RHPN1: variants seen among roughly 807,000 people sequenced by gnomAD.
RHPN1 encodes rhophilin Rho GTPase binding protein 1.
RHPN1 carries 77 observed loss-of-function variants against 74.7 expected under a neutral mutation model. The ratio of observed to expected loss-of-function variants is 1.03; its 90% CI spans 0.86 to 1.25. The LOEUF (loss-of-function observed/expected upper bound fraction) is 1.25. Ranked by LOEUF, RHPN1 falls within the 50% of genes most tolerant of loss-of-function variation. The pLI, the probability that RHPN1 is intolerant of heterozygous loss-of-function variation, is 0.00. For synonymous variants in RHPN1, 444 were observed against 414.5 expected, an observed-to-expected ratio of 1.07 and a Z score of -0.87; for missense variants, 987 against 932.2, an observed-to-expected ratio of 1.06 and a Z score of -0.77.
chr8:143,382,660 A>T lies in RHPN1; in HGVS notation c.*9A>T. The T allele has an allele frequency of 6.2e-7, 1 of 1,603,848 alleles. No individual in the cohort carries two copies. Among genetic ancestry groups the T allele is most frequent in the Non-Finnish European group, 8.5e-7 (1 of 1,177,028 alleles). ...ACCCAGGGTGGCCGTGAGGGCCAGG[A>T]TCCCTGCACGCCTCAGCCCTGGCTC... On this transcript the variant is annotated 3_prime_UTR_variant, in exon 15 of 15. Transcript: ENST00000289013.
intron 4 of RHPN1, among the ~76,000 whole-genome samples, chr8:143,377,813 ACACC>A (rs1400568207): frequency 1.3e-5 from 2 of 152,198 alleles, no homozygotes; most frequent in Non-Finnish European, 2.9e-5. Context: ...TTGGGGCCAC[ACACC>A]CAGCACTGGC....
intron 1 of RHPN1, among the ~76,000 whole-genome samples, chr8:143,369,998 C>A (rs1028536422): frequency 6.6e-6 from 1 of 152,214 alleles, no homozygotes; most frequent in African/African-American, 2.4e-5. Context: ...CACCCCGAGG[C>A]GTGCCAGAGG....
chr8:143,378,790 C>G lies in RHPN1; in HGVS notation c.554C>G (p.Pro185Arg). ...LCFLDARFLT[P>R]ARSLGLFFHW... ...TTCCTGGATGCGCGCTTCCTCACCC[C>G]TGCCAGGAGCCTCGGGCTCTTCTTC... is the stretch of plus-strand genomic sequence containing the variant. Residue 185 changes from proline to arginine, a missense_variant, in exon 6 of 15, where the codon CCT becomes CGT. Pro to Arg is a moderately radical substitution (Grantham distance 103, BLOSUM62 -2). Transcript: ENST00000289013. 3 of 1,566,778 alleles carry G rather than the reference C, an allele frequency of 1.9e-6. No homozygotes were observed. The highest frequency in any genetic ancestry group is 2.6e-6 in the Non-Finnish European group (3 of 1,156,236).
Position 143,382,929 on chromosome 8 carries a change from C to T in RHPN1, c.*278C>T. ...CACCCTGAGGGCTCCTTACAGGGTG[C>T]TCCTCACAGCCATCCCATCTGTACC... On this transcript the variant is annotated 3_prime_UTR_variant, in exon 15 of 15. Coordinates refer to ENST00000289013, the MANE Select transcript of RHPN1 (RefSeq NM_052924.3). 2.0e-6 allele frequency: 1 copy of T among 498,064 alleles called. No homozygotes were observed. Among genetic ancestry groups the T allele is most frequent in the South Asian group, 2.4e-5 (1 of 41,176 alleles). The allele number at this position is 498,064 out of a possible 1,614,324, so 30.9% of individuals were successfully genotyped here. A position where few individuals can be genotyped will look rare whatever the true frequency, so the allele number is the denominator to read the frequency against.
chr8:143,379,804 G>T, intron 8 of RHPN1, 25 bp from the exon 9 acceptor site: 1 of 1,592,308 alleles, frequency 6.3e-7, no homozygotes. Flanking sequence ...GGAGGCCCTC[G>T]CGTGCCTGCC....
chr8:143,371,918 A>G (rs546307632), intron 1 of RHPN1, among the ~76,000 whole-genome samples: 3 of 152,280 alleles, frequency 2.0e-5, no homozygotes, highest in Admixed American at 1.3e-4. Context: ...CCCAGTGTGG[A>G]AAGTGGGGCA....
chr8:143,378,357 C>CGGGGGGGGGGGGGGGGGCGG lies in RHPN1; in HGVS notation c.459+11_459+12insGGGGGGGGGGGGGGGGGCGG. 1 of 1,520,934 alleles carries CGGGGGGGGGGGGGGGGGCGG rather than the reference C, an allele frequency of 6.6e-7. No homozygotes were observed. Among genetic ancestry groups the CGGGGGGGGGGGGGGGGGCGG allele is most frequent in the Non-Finnish European group, 8.9e-7 (1 of 1,127,150 alleles). 94.2% of individuals were successfully genotyped at this position (1,520,934 alleles called of 1,614,324 possible). On this transcript the variant is annotated intron_variant, in intron 5 of 14. Transcript: ENST00000289013. ...GAGGCCCTGCGGCAGGTGTGTGGTT[C>CGGGGGGGGGGGGGGGGGCGG]CCCCGCCCACCCACCCTCCTGCAGC...
intron 3 of RHPN1, among the ~76,000 whole-genome samples, chr8:143,376,926 G>A (rs1563794148): frequency 6.7e-6 from 1 of 149,894 alleles, no homozygotes; most frequent in African/African-American, 2.5e-5. Flanking sequence ...GTGTCTGCAT[G>A]TGTCTGTGTG....
In RHPN1 at chr8:143,379,503, G is replaced by T; in HGVS notation, c.940G>T (p.Ala314Ser). The T allele has an allele frequency of 6.5e-7, 1 of 1,546,874 alleles. No homozygotes were observed. Among genetic ancestry groups the T allele is most frequent in the Non-Finnish European group, 8.7e-7 (1 of 1,145,168 alleles). Residue 314 changes from alanine to serine, a missense_variant, in exon 8 of 15, where the codon GCC (alanine) becomes TCC (serine). Coordinates refer to ENST00000289013, the MANE Select transcript of RHPN1 (RefSeq NM_052924.3). ...CCAGCTGCGCCTGGCGCAGGAGGCC[G>T]CCCAGGTGAGCTCGGGCACCCGTGT... ...LAQLRLAQEAAQVAAEYRLVH... is the reference protein window; with the variant it reads ...LAQLRLAQEASQVAAEYRLVH...
chr8:143,379,231 C>A, intron 7 of RHPN1, 84 bp from the exon 8 acceptor site: 1 of 1,428,676 alleles, frequency 7.0e-7, no homozygotes, highest in Non-Finnish European at 9.2e-7. Flanking sequence ...CAGGAGCATC[C>A]CTAGCTGGCC....
upstream of RHPN1, chr8:143,368,216 G>C (rs991302168): frequency 1.9e-5 from 3 of 154,020 alleles, no homozygotes; most frequent in East Asian, 3.9e-4. Flanking sequence ...GCGGGTTCTG[G>C]ACGGAGGTTC....
At chr8:143,379,115 G>A in intron 7 of RHPN1, 37 bp downstream of exon 7, 8 of 1,458,438 alleles carry the variant, frequency 5.5e-6, no homozygotes, top group Non-Finnish European at 7.2e-6. Flanking sequence ...GCACGGCGCG[G>A]TGCCAGGGTG....
chr8:143,381,133 C>T (rs1426345712), intron 11 of RHPN1, 135 bp from the exon 12 acceptor site: 2 of 740,262 alleles, frequency 2.7e-6, no homozygotes, highest in Admixed American at 2.7e-5. Flanking sequence ...GCTCCTCCCA[C>T]CATTGCAGAG....
intron 1 of RHPN1, among the ~76,000 whole-genome samples, chr8:143,369,816 C>T (rs1194141452): frequency 6.6e-6 from 1 of 152,236 alleles, no homozygotes; most frequent in East Asian, 1.9e-4. Context: ...TAGCGCGCGG[C>T]CCTCCTCCCC....
intron 12 of RHPN1, 75 bp from the exon 13 acceptor site, chr8:143,381,497 G>A: frequency 6.5e-7 from 1 of 1,529,872 alleles, no homozygotes; most frequent in South Asian, 1.2e-5. Context: ...GCACAGGTTG[G>A]ATGGATGTGC....
chr8:143,376,884 G>C (rs1321286632), intron 3 of RHPN1, among the ~76,000 whole-genome samples: 1 of 14,048 alleles, frequency 7.1e-5, no homozygotes, highest in Non-Finnish European at 1.6e-4. Flanking sequence ...GTGTGCATGT[G>C]TGTGCATGCG....
At chr8:143,372,860 C>T (rs1586806199) in intron 1 of RHPN1, among the ~76,000 whole-genome samples, 2 of 33,274 alleles carry the variant, frequency 6.0e-5, no homozygotes, top group East Asian at 1.4e-3. Flanking sequence ...GGGGACAATG[C>T]GGGGGTTTGG....
In RHPN1 at chr8:143,379,871, C is replaced by A. The variant is rs1430734469; in HGVS notation, c.988C>A (p.Pro330Thr). The change falls in exon 9 of 15, where the codon CCA (proline) becomes ACA (threonine). Residue 330 changes from proline to threonine, a missense_variant. By Grantham distance (38) the Pro-to-Thr change is conservative. Coordinates refer to ENST00000289013, the MANE Select transcript of RHPN1 (RefSeq NM_052924.3). ...GCTAGTGCACCGGACCATGGCCCAG[C>A]CACCCGTCCACGACTACGTGCCTGT... is the stretch of plus-strand genomic sequence containing the variant. Reference protein sequence around the residue: ...YRLVHRTMAQPPVHDYVPVSW... With the variant: ...YRLVHRTMAQTPVHDYVPVSW... The A allele has an allele frequency of 6.2e-7, 1 of 1,610,796 alleles. No individual in the cohort carries two copies. Among genetic ancestry groups the A allele is most frequent in the East Asian group, 2.2e-5 (1 of 44,836 alleles).
intron 1 of RHPN1, among the ~76,000 whole-genome samples, chr8:143,375,337 G>T (rs1033037036): frequency 2.0e-5 from 3 of 152,200 alleles, no homozygotes; most frequent in Non-Finnish European, 4.4e-5. Context: ...CACCGACCAC[G>T]TCCTTCTGCA....
Sources: gnomAD v4.1 joint callset for allele counts (sites outside exome capture counted in the v4.1 genomes callset) on GRCh38, gnomAD v4.1.1 for gene constraint, MANE v1.5 for transcripts, NCBI Gene and HGNC (gene_info 2026-07-23, HGNC 2026-07-21) for gene names.